The following SAMD5 variants were observed in gnomAD, a reference collection of about 807,000 sequenced individuals.
The protein encoded by SAMD5 is sterile alpha motif domain-containing protein 5.
A neutral mutation model predicts 11.3 loss-of-function variants in SAMD5; 13 were observed. The ratio of observed to expected loss-of-function variants is 1.15; its 90% confidence interval spans 0.75 to 1.83. The LOEUF (loss-of-function observed/expected upper bound fraction) is 1.83. SAMD5 is among the 40% of genes most tolerant of loss of function. The probability of loss-of-function intolerance (pLI) is 0.00; values close to 1 mark genes in which losing one functional copy is unlikely to be tolerated. For synonymous variants in SAMD5, 129 were observed against 111.3 expected (o/e 1.16, Z -1.00); for missense variants, 255 against 239.1 (o/e 1.07, Z -0.44).
intron 1 of SAMD5, among the ~76,000 whole-genome samples, chr6:147,638,679 T>C (rs1364110770): frequency 8.5e-5 from 13 of 152,226 alleles, no homozygotes; most frequent in Admixed American, 6.5e-4. Context: ...GGCAAATAAG[T>C]GTGGGAGACC....
chr6:147,742,944 T>G, the SAMD5 span, among the ~76,000 whole-genome samples: 1 of 152,210 alleles, frequency 6.6e-6, no homozygotes, highest in East Asian at 1.9e-4. Context: ...AAAGTGTATT[T>G]GAAATAAATC....
rs555040087 is a variant in SAMD5 at position 147,631,465 on chromosome 6, C to T, written c.163-105852C>T. On this transcript the variant is annotated intron_variant, in intron 1 of 1. Transcript: ENST00000566741. ...TTTGAAAGACTGTTAGTTCGTTCCA[C>T]CTTTCCTGAAGATTGATGCCGGTAA... Among the ~76,000 whole-genome samples the T allele has an allele frequency of 3.3e-5, 5 of 152,192 alleles. No individual in the cohort carries two copies. In the South Asian group the frequency reaches 1.0e-3, roughly 32 times the overall value.
At chr6:147,777,880 G>A in the SAMD5 span, among the ~76,000 whole-genome samples, 1 of 152,170 alleles carries the variant, frequency 6.6e-6, no homozygotes, top group Non-Finnish European at 1.5e-5. Flanking sequence ...TCCATTGTAT[G>A]TATATAGCCC....
At chr6:147,717,293 T>C (rs1175917703) in intron 1 of SAMD5, among the ~76,000 whole-genome samples, 1 of 152,250 alleles carries the variant, frequency 6.6e-6, no homozygotes, top group Admixed American at 6.5e-5. Flanking sequence ...ACTGGTCTTT[T>C]CTACTGGTGT....
chr6:147,599,001 T>A (rs1351287090), intron 1 of SAMD5, among the ~76,000 whole-genome samples: 1 of 152,202 alleles, frequency 6.6e-6, no homozygotes, highest in African/African-American at 2.4e-5. Flanking sequence ...ACGCTGACAC[T>A]GTGTCATGGA....
At chr6:147,872,225 C>T in the SAMD5 span, among the ~76,000 whole-genome samples, 1 of 152,150 alleles carries the variant, frequency 6.6e-6, no homozygotes, top group African/African-American at 2.4e-5. Flanking sequence ...CCCACCTCAG[C>T]CTCCCAAGCA....
chr6:147,817,550 A>G, the SAMD5 span, among the ~76,000 whole-genome samples: 1 of 152,242 alleles, frequency 6.6e-6, no homozygotes, highest in Admixed American at 6.5e-5. Flanking sequence ...TATGCAGGAA[A>G]ATAATAACAC....
the SAMD5 span, among the ~76,000 whole-genome samples, chr6:147,903,608 T>A: frequency 6.6e-6 from 1 of 152,136 alleles, no homozygotes; most frequent in Non-Finnish European, 1.5e-5. Flanking sequence ...AGATTTATTT[T>A]TTATGAAACT....
chr6:147,953,854 A>T, the SAMD5 span: 4 of 152,254 alleles, frequency 2.6e-5, no homozygotes, highest in African/African-American at 9.6e-5. Flanking sequence ...TGTACCAAGG[A>T]ATGACTTATA....
At chr6:147,550,340 T>G (rs1266524868) in intron 1 of SAMD5, among the ~76,000 whole-genome samples, 2 of 152,162 alleles carry the variant, frequency 1.3e-5, no homozygotes, top group African/African-American at 4.8e-5. Context: ...TGGAAAACAG[T>G]ACAGAGATTT....
At chr6:147,779,446 C>T in the SAMD5 span, among the ~76,000 whole-genome samples, 1 of 151,104 alleles carries the variant, frequency 6.6e-6, no homozygotes, top group Admixed American at 6.6e-5. Flanking sequence ...TCCTTGAAGA[C>T]AAAACAATGC....
At chr6:147,541,455 C>T (rs181344827) in intron 1 of SAMD5, among the ~76,000 whole-genome samples, 1 of 152,158 alleles carries the variant, frequency 6.6e-6, no homozygotes, top group African/African-American at 2.4e-5. Context: ...AACTTTTTCC[C>T]GTTGGTCCCT....
At chr6:147,666,942 T>C (rs1645394457) in intron 1 of SAMD5, among the ~76,000 whole-genome samples, 1 of 152,204 alleles carries the variant, frequency 6.6e-6, no homozygotes. Context: ...GTGCTCACCC[T>C]GAAGCCTTTT....
chr6:147,543,874 G>T (rs887645896), intron 1 of SAMD5, among the ~76,000 whole-genome samples: 1 of 152,138 alleles, frequency 6.6e-6, no homozygotes, highest in African/African-American at 2.4e-5. Flanking sequence ...TCAGGAGAGT[G>T]TAAAAGACAA....
chr6:147,787,972 T>C, the SAMD5 span, among the ~76,000 whole-genome samples: 2 of 152,174 alleles, frequency 1.3e-5, no homozygotes, highest in Non-Finnish European at 2.9e-5. Context: ...ACATCAAGGG[T>C]TGCATAAGTA....
chr6:147,811,547 G>A, the SAMD5 span, among the ~76,000 whole-genome samples: 1 of 152,138 alleles, frequency 6.6e-6, no homozygotes, highest in East Asian at 1.9e-4. Flanking sequence ...GATTTGATTG[G>A]AGGAGAGAGG....
chr6:147,525,001 C>T (rs1453611717), intron 1 of SAMD5, among the ~76,000 whole-genome samples: 3 of 151,952 alleles, frequency 2.0e-5, no homozygotes, highest in Admixed American at 1.3e-4. Flanking sequence ...CATTTGAAAG[C>T]CACATGTACT....
At chr6:147,900,586 G>A in the SAMD5 span, among the ~76,000 whole-genome samples, 17 of 152,322 alleles carry the variant, frequency 1.1e-4, no homozygotes, top group African/African-American at 3.6e-4. Context: ...CTGCCGAGGA[G>A]GAATGAAGAA....
chr6:147,630,318 G>C (rs1447976970), intron 1 of SAMD5, among the ~76,000 whole-genome samples: 2 of 152,140 alleles, frequency 1.3e-5, no homozygotes, highest in Non-Finnish European at 2.9e-5. Context: ...AAAGGGTCAT[G>C]GGTGATTTGT....
Sources: allele counts gnomAD v4.1 joint callset (sites outside exome capture counted in the v4.1 genomes callset), GRCh38; gene constraint gnomAD v4.1.1; transcripts MANE v1.5; gene names NCBI Gene and HGNC (gene_info 2026-07-23, HGNC 2026-07-21).